Variants in ALK observed in about 807,000 individuals in gnomAD.
The protein encoded by ALK is ALK receptor tyrosine kinase.
In ALK, 74 loss-of-function variants were observed where a neutral mutation model predicts 163.1. The ratio of observed to expected loss-of-function variants is 0.45; its 90% confidence interval spans 0.38 to 0.55. ALK has a LOEUF of 0.55. ALK is among the 20% of genes least tolerant of loss of function. ALK has a pLI of 0.00. For synonymous variants in ALK, 960 were observed against 843.2 expected (o/e 1.14, Z -2.40); for missense variants, 2,063 against 2,105.3 (o/e 0.98, Z 0.39).
At chr2:29,648,880 TA>T (rs944731754) in intron 3 of ALK, among the ~76,000 whole-genome samples, 5 of 152,058 alleles carry the variant, frequency 3.3e-5, no homozygotes, top group African/African-American at 7.2e-5. Flanking sequence ...TTTGCATGTG[TA>T]AAAAAAATCT....
Position 29,220,796 on chromosome 2 carries a change from C to T in ALK, c.3555G>A (p.Val1185=), listed in dbSNP as rs777309744. 3.1e-6 allele frequency: 5 copies of T among 1,614,028 alleles called. No individual in the cohort carries two copies. In the East Asian group the frequency reaches 6.7e-5, roughly 22 times the overall value. ...TGAACCGGGGCAGGGATTGCAGGCT[C>T]ACCCCAATGCAGCGAACAATGTTCT... is the stretch of plus-strand genomic sequence containing the variant. ...NHQNIVRCIG[V]SLQSLPRFIL... is the part of the protein sequence containing the mutation. The change falls in exon 23 of 29, where the codon GTG becomes GTA. Residue 1185 remains valine (V), a synonymous_variant. Coordinates refer to ENST00000389048, the MANE Select transcript of ALK (RefSeq NM_004304.5).
intron 1 of ALK, among the ~76,000 whole-genome samples, chr2:29,747,881 G>A (rs755933563): frequency 6.6e-6 from 1 of 152,026 alleles, no homozygotes; most frequent in African/African-American, 2.4e-5. Flanking sequence ...AAGGTCCAAA[G>A]GAAAGATAAA....
At chr2:29,379,137 T>G (rs553639511) in intron 5 of ALK, among the ~76,000 whole-genome samples, 1 of 152,120 alleles carries the variant, frequency 6.6e-6, no homozygotes, top group Admixed American at 6.5e-5. Flanking sequence ...TTGCTCTGGG[T>G]TGTCTGCTCA....
chr2:29,228,332 A>G (rs1435452263), intron 16 of ALK, among the ~76,000 whole-genome samples: 1 of 152,184 alleles, frequency 6.6e-6, no homozygotes. Context: ...TCAGCTTCAG[A>G]AGGCTCTGCT....
At chr2:29,401,020 T>C (rs1558308114) in intron 4 of ALK, among the ~76,000 whole-genome samples, 1 of 152,180 alleles carries the variant, frequency 6.6e-6, no homozygotes, top group East Asian at 1.9e-4. Flanking sequence ...TTAAACCTTC[T>C]TTCAGCACTT....
chr2:29,218,901 T>C (rs1279118533), intron 23 of ALK, among the ~76,000 whole-genome samples: 1 of 152,262 alleles, frequency 6.6e-6, no homozygotes, highest in Non-Finnish European at 1.5e-5. Context: ...CAGAGATGCC[T>C]GGATGCCTGG....
chr2:29,912,408 A>G (rs1010628667), intron 1 of ALK, among the ~76,000 whole-genome samples: 1 of 152,214 alleles, frequency 6.6e-6, no homozygotes, highest in African/African-American at 2.4e-5. Context: ...TGAAGGACAC[A>G]GGAACAAAAT....
chr2:29,422,529 A>C (rs183625416), intron 4 of ALK, among the ~76,000 whole-genome samples: 1 of 152,330 alleles, frequency 6.6e-6, no homozygotes, highest in East Asian at 1.9e-4. Flanking sequence ...CCTTGGCCTT[A>C]GTACATTGGG....
At chr2:29,494,733 G>A (rs1439656896) in intron 4 of ALK, among the ~76,000 whole-genome samples, 1 of 152,102 alleles carries the variant, frequency 6.6e-6, no homozygotes, top group Admixed American at 6.5e-5. Context: ...ATTACAATAG[G>A]ACCCTTTGGA....
At chr2:29,405,529 C>G (rs563020003) in intron 4 of ALK, among the ~76,000 whole-genome samples, 1 of 152,190 alleles carries the variant, frequency 6.6e-6, no homozygotes, top group African/African-American at 2.4e-5. Flanking sequence ...TGAGTTCCTA[C>G]GGCACCATCA....
At chr2:29,565,440 G>A (rs570819199) in intron 3 of ALK, among the ~76,000 whole-genome samples, 9 of 152,306 alleles carry the variant, frequency 5.9e-5, no homozygotes, top group East Asian at 1.9e-4. Context: ...AGGGGAGGCC[G>A]GTGGAAAGGA....
intron 1 of ALK, among the ~76,000 whole-genome samples, chr2:29,804,901 T>C (rs1171037588): frequency 6.6e-6 from 1 of 152,188 alleles, no homozygotes; most frequent in Non-Finnish European, 1.5e-5. Flanking sequence ...ACAACCTTGA[T>C]GTTATGGTGC....
chr2:29,701,978 C>T (rs1678754607), intron 2 of ALK, among the ~76,000 whole-genome samples: 1 of 151,948 alleles, frequency 6.6e-6, no homozygotes, highest in African/African-American at 2.4e-5. Context: ...CATAGCTTCC[C>T]TCATGTAGAG....
intron 3 of ALK, among the ~76,000 whole-genome samples, chr2:29,667,034 G>A (rs1316317080): frequency 6.6e-6 from 1 of 151,982 alleles, no homozygotes; most frequent in Non-Finnish European, 1.5e-5. Context: ...TCTTTCTTAT[G>A]GCTAAATAGT....
chr2:29,234,074 C>T (rs1320923955), intron 13 of ALK, among the ~76,000 whole-genome samples: 2 of 151,660 alleles, frequency 1.3e-5, no homozygotes, highest in African/African-American at 4.8e-5. Flanking sequence ...TGGCATGAGC[C>T]CAGAGGGAAG....
intron 1 of ALK, among the ~76,000 whole-genome samples, chr2:29,863,509 AT>A (rs58614325): frequency 0.063 from 9,536 of 151,836 alleles, 382 homozygotes; most frequent in South Asian, 0.19. Context: ...CAATAAGAAT[AT>A]TTTTTTTTAA....
chr2:29,850,909 C>T (rs376979700), intron 1 of ALK, among the ~76,000 whole-genome samples: 3 of 152,218 alleles, frequency 2.0e-5, no homozygotes, highest in Admixed American at 6.5e-5. Context: ...GCCCTGCCCC[C>T]GGGGGACTTA....
chr2:29,677,256 C>G (rs190965918), intron 3 of ALK, among the ~76,000 whole-genome samples: 1 of 125,308 alleles, frequency 8.0e-6, no homozygotes, highest in Non-Finnish European at 1.7e-5. Context: ...CTCCCCTCCC[C>G]TCCCCTCCCC....
chr2:29,248,624 G>A (rs1664745011), intron 12 of ALK, among the ~76,000 whole-genome samples: 1 of 152,140 alleles, frequency 6.6e-6, no homozygotes, highest in Non-Finnish European at 1.5e-5. Flanking sequence ...ACAGTGCTGG[G>A]GCCCGGAGCT....
Sources: gnomAD v4.1 joint callset for allele counts (sites outside exome capture counted in the v4.1 genomes callset) on GRCh38, gnomAD v4.1.1 for gene constraint, MANE v1.5 for transcripts, NCBI Gene and HGNC (gene_info 2026-07-23, HGNC 2026-07-21) for gene names.